The following EPHA6 variants were observed in gnomAD, a reference collection of about 807,000 sequenced individuals.
The protein encoded by EPHA6 is EPH receptor A6.
In EPHA6, 50 loss-of-function variants were observed where a neutral mutation model predicts 112.0. The observed-to-expected ratio is 0.45, with a 90% CI of 0.36 to 0.56. EPHA6 has a LOEUF of 0.56. EPHA6 is among the 20% of genes least tolerant of loss of function. The pLI is 0.00. For synonymous variants in EPHA6, 529 were observed against 490.7 expected (o/e 1.08, Z -1.03); for missense variants, 1,280 against 1,417.4 (o/e 0.90, Z 1.56).
intron 5 of EPHA6, among the ~76,000 whole-genome samples, chr3:97,323,044 T>A (rs2082193824): frequency 6.6e-6 from 1 of 152,032 alleles, no homozygotes; most frequent in Non-Finnish European, 1.5e-5. Context: ...TAGGGTATCC[T>A]CTTCCCTTGT....
chr3:96,994,471 A>G (rs1365158600), intron 3 of EPHA6, among the ~76,000 whole-genome samples: 5 of 151,990 alleles, frequency 3.3e-5, no homozygotes, highest in Non-Finnish European at 7.4e-5. Flanking sequence ...TTCAGTTTAT[A>G]TGTCTAGGAC....
At chr3:97,099,733 G>A (rs1331954541) in intron 3 of EPHA6, among the ~76,000 whole-genome samples, 1 of 151,902 alleles carries the variant, frequency 6.6e-6, no homozygotes, top group Non-Finnish European at 1.5e-5. Flanking sequence ...ACACCCTGAT[G>A]ATGAAAATCC....
chr3:96,977,706 A>G (rs2042589621), intron 2 of EPHA6, among the ~76,000 whole-genome samples: 1 of 152,140 alleles, frequency 6.6e-6, no homozygotes, highest in Non-Finnish European at 1.5e-5. Context: ...TTGAAAATCC[A>G]TGTATAACAT....
chr3:97,060,923 CAAAAAAAAA>C (rs71623565), intron 3 of EPHA6, among the ~76,000 whole-genome samples: 1,281 of 21,226 alleles, frequency 0.06, 28 homozygotes, highest in African/African-American at 0.15. Context: ...GACTCCGTCT[CAAAAAAAAA>C]AAAAAAAAAA....
At chr3:96,974,093 T>A (rs145031424) in intron 2 of EPHA6, among the ~76,000 whole-genome samples, 1 of 146,218 alleles carries the variant, frequency 6.8e-6, no homozygotes, top group African/African-American at 2.5e-5. Flanking sequence ...TAATTATAAA[T>A]AATATAATGA....
chr3:97,001,423 C>A (rs1320671620), intron 3 of EPHA6, among the ~76,000 whole-genome samples: 2 of 151,792 alleles, frequency 1.3e-5, no homozygotes, highest in African/African-American at 4.8e-5. Context: ...GAGACAATAG[C>A]TTTACAAAAA....
At chr3:97,627,965 G>A (rs892839620) in intron 13 of EPHA6, among the ~76,000 whole-genome samples, 1 of 151,950 alleles carries the variant, frequency 6.6e-6, no homozygotes, top group Non-Finnish European at 1.5e-5. Flanking sequence ...CTACTGAAAT[G>A]AGGCCTAGTA....
intron 10 of EPHA6, among the ~76,000 whole-genome samples, chr3:97,527,978 TG>T (rs2092646325): frequency 6.6e-6 from 1 of 152,114 alleles, no homozygotes; most frequent in Admixed American, 6.6e-5. Flanking sequence ...CCAATAATAT[TG>T]GGCCTTAATC....
intron 10 of EPHA6, among the ~76,000 whole-genome samples, chr3:97,506,034 G>A (rs536185596): frequency 2.6e-5 from 4 of 152,114 alleles, no homozygotes; most frequent in Admixed American, 2.6e-4. Flanking sequence ...TGATGGGGTT[G>A]TTTTTTTCTC....
At chr3:97,726,871 C>A (rs1363761315) in intron 15 of EPHA6, among the ~76,000 whole-genome samples, 5 of 151,912 alleles carry the variant, frequency 3.3e-5, no homozygotes. Flanking sequence ...CATTAAATAA[C>A]CAAATCCCCA....
intron 3 of EPHA6, among the ~76,000 whole-genome samples, chr3:97,070,027 G>A (rs538339185): frequency 3.4e-4 from 52 of 152,082 alleles, no homozygotes; most frequent in African/African-American, 1.1e-3. Context: ...CCATAGATGC[G>A]GCATGACTGA....
At chr3:97,669,035 T>C (rs935089955) in intron 14 of EPHA6, among the ~76,000 whole-genome samples, 14 of 148,808 alleles carry the variant, frequency 9.4e-5, no homozygotes, top group Non-Finnish European at 2.1e-4. Flanking sequence ...CCAGTATAAA[T>C]AGCCAACTCA....
intron 5 of EPHA6, among the ~76,000 whole-genome samples, chr3:97,398,559 A>G (rs1006238734): frequency 9.9e-5 from 15 of 151,346 alleles, no homozygotes; most frequent in Non-Finnish European, 2.1e-4. Flanking sequence ...ACTGGATACA[A>G]CTTTATGTAA....
intron 2 of EPHA6, among the ~76,000 whole-genome samples, chr3:96,975,483 TG>T (rs2042485555): frequency 6.6e-6 from 1 of 152,198 alleles, no homozygotes; most frequent in Non-Finnish European, 1.5e-5. Context: ...GATTCCTTAT[TG>T]TTATTATGAA....
chr3:97,635,240 C>A (rs973751820), intron 13 of EPHA6, among the ~76,000 whole-genome samples: 1 of 151,988 alleles, frequency 6.6e-6, no homozygotes, highest in African/African-American at 2.4e-5. Flanking sequence ...AGTTTAGATT[C>A]TTTTAATACA....
intron 1 of EPHA6, among the ~76,000 whole-genome samples, chr3:96,861,127 C>T (rs1164939995): frequency 6.6e-6 from 1 of 151,832 alleles, no homozygotes; most frequent in Non-Finnish European, 1.5e-5. Context: ...AAGGCTGAAG[C>T]AAATATAGCT....
intron 1 of EPHA6, among the ~76,000 whole-genome samples, chr3:96,822,884 T>C (rs1236798832): frequency 6.6e-6 from 1 of 151,368 alleles, no homozygotes; most frequent in African/African-American, 2.4e-5. Flanking sequence ...GCACTAACTT[T>C]TAATGTTAAA....
At chr3:97,014,773 GA>G (rs796267007) in intron 3 of EPHA6, among the ~76,000 whole-genome samples, 5 of 152,184 alleles carry the variant, frequency 3.3e-5, no homozygotes, top group African/African-American at 1.2e-4. Context: ...AAGTATTTAA[GA>G]ATTCCTAAAG....
intron 11 of EPHA6, among the ~76,000 whole-genome samples, chr3:97,564,674 TG>T (rs2093237201): frequency 6.6e-6 from 1 of 152,018 alleles, no homozygotes; most frequent in African/African-American, 2.4e-5. Flanking sequence ...CATATACAAA[TG>T]GATTGTATAC....
Sources: allele counts gnomAD v4.1 joint callset (sites outside exome capture counted in the v4.1 genomes callset), GRCh38; gene constraint gnomAD v4.1.1; transcripts MANE v1.5; gene names NCBI Gene and HGNC (gene_info 2026-07-23, HGNC 2026-07-21).